MACROD2: variants seen among roughly 807,000 people sequenced by gnomAD.
MACROD2 encodes ADP-ribose glycohydrolase MACROD2.
Under a neutral mutation model 70.4 loss-of-function variants are expected in MACROD2, and 36 were observed. That is an observed-to-expected ratio of 0.51 (90% confidence interval 0.39 to 0.68). MACROD2 has a LOEUF of 0.68. Ranked by LOEUF, MACROD2 falls within the 30% of genes least tolerant of loss-of-function variation. MACROD2 has a pLI of 0.00. For synonymous variants in MACROD2, 172 were observed against 178.8 expected, an observed-to-expected ratio of 0.96 and a Z score of 0.30; for missense variants, 496 against 538.4, an observed-to-expected ratio of 0.92 and a Z score of 0.78.
chr20:15,438,073 G>A (rs984006351), intron 7 of MACROD2, among the ~76,000 whole-genome samples: 1 of 151,844 alleles, frequency 6.6e-6, no homozygotes, highest in African/African-American at 2.4e-5. Context: ...GAGGATTGCT[G>A]GAACCCGGGA....
chr20:14,705,921 TCTC>T (rs1769061726), intron 5 of MACROD2, among the ~76,000 whole-genome samples: 2 of 152,018 alleles, frequency 1.3e-5, no homozygotes, highest in African/African-American at 4.8e-5. Context: ...TCTTCCTCTC[TCTC>T]TTTTTCTTCT....
At chr20:14,966,154 A>T (rs191862309) in intron 5 of MACROD2, among the ~76,000 whole-genome samples, 3 of 152,306 alleles carry the variant, frequency 2.0e-5, no homozygotes, top group Admixed American at 2.0e-4. Flanking sequence ...CAATAAAGCC[A>T]CTGTCAATGG....
chr20:15,322,474 A>G (rs1233822605), intron 6 of MACROD2, among the ~76,000 whole-genome samples: 1 of 144,052 alleles, frequency 6.9e-6, no homozygotes, highest in African/African-American at 2.5e-5. Context: ...TCAGAACCAG[A>G]CAAACTTTAA....
chr20:15,583,851 A>G (rs1243770096), intron 8 of MACROD2, among the ~76,000 whole-genome samples: 9 of 152,136 alleles, frequency 5.9e-5, no homozygotes, highest in Admixed American at 5.2e-4. Flanking sequence ...CATGTTGGCC[A>G]GGCTGGTCTC....
intron 6 of MACROD2, among the ~76,000 whole-genome samples, chr20:15,377,092 G>A (rs1600316991): frequency 2.0e-5 from 3 of 152,028 alleles, no homozygotes; most frequent in Admixed American, 6.6e-5. Context: ...GGGTTTCACC[G>A]TGTTAGCCAG....
At chr20:15,545,434 A>G (rs2048013485) in intron 8 of MACROD2, among the ~76,000 whole-genome samples, 1 of 152,202 alleles carries the variant, frequency 6.6e-6, no homozygotes. Context: ...TCTGTCACTC[A>G]AAATAAGCCA....
intron 8 of MACROD2, among the ~76,000 whole-genome samples, chr20:15,654,173 C>G (rs527298188): frequency 6.6e-6 from 1 of 152,224 alleles, no homozygotes; most frequent in African/African-American, 2.4e-5. Flanking sequence ...AAGCACATAC[C>G]ATGCAGAAGT....
intron 5 of MACROD2, among the ~76,000 whole-genome samples, chr20:14,902,584 G>A (rs1159688524): frequency 6.6e-6 from 1 of 152,140 alleles, no homozygotes; most frequent in Non-Finnish European, 1.5e-5. Flanking sequence ...AGTCTAGGGG[G>A]AAGTGAGAGC....
chr20:14,459,815 T>C (rs2084346946), intron 3 of MACROD2, among the ~76,000 whole-genome samples: 1 of 152,114 alleles, frequency 6.6e-6, no homozygotes, highest in Non-Finnish European at 1.5e-5. Context: ...CATGGTGGTC[T>C]GCTGCACCCA....
intron 8 of MACROD2, among the ~76,000 whole-genome samples, chr20:15,573,635 T>C (rs1418130710): frequency 1.3e-5 from 2 of 152,126 alleles, no homozygotes; most frequent in Non-Finnish European, 2.9e-5. Flanking sequence ...AAATCTGAAA[T>C]GTGTTAAAGT....
intron 5 of MACROD2, among the ~76,000 whole-genome samples, chr20:15,041,440 T>C (rs368820160): frequency 2.5e-4 from 38 of 151,378 alleles, no homozygotes; most frequent in African/African-American, 9.2e-4. Flanking sequence ...AATTAATTTC[T>C]CTCTCTCTCT....
intron 3 of MACROD2, among the ~76,000 whole-genome samples, chr20:14,279,284 C>A (rs1380947639): frequency 6.6e-6 from 1 of 152,076 alleles, no homozygotes; most frequent in Non-Finnish European, 1.5e-5. Context: ...CAAAAACAAA[C>A]AAACAAAAAC....
At chr20:14,255,454 A>G (rs1055720865) in intron 3 of MACROD2, among the ~76,000 whole-genome samples, 24 of 147,866 alleles carry the variant, frequency 1.6e-4, no homozygotes, top group Admixed American at 6.8e-4. Context: ...CAAACACCGC[A>G]TGTTCTCACT....
chr20:15,438,886 T>C (rs1231104140), intron 7 of MACROD2, among the ~76,000 whole-genome samples: 1 of 152,186 alleles, frequency 6.6e-6, no homozygotes. Context: ...GAATTCTTGA[T>C]TGGCAAAATA....
intron 2 of MACROD2, among the ~76,000 whole-genome samples, chr20:14,075,864 AG>A (rs1478435428): frequency 1.3e-5 from 2 of 152,230 alleles, no homozygotes; most frequent in African/African-American, 4.8e-5. Flanking sequence ...TATTTTATCC[AG>A]TCAGATGGGC....
chr20:14,041,800 T>A (rs1047179052), intron 2 of MACROD2, among the ~76,000 whole-genome samples: 5 of 151,992 alleles, frequency 3.3e-5, no homozygotes, highest in African/African-American at 1.2e-4. Flanking sequence ...AATTGATGAG[T>A]CTTGAAGAAA....
chr20:15,119,302 C>T (rs886523120), intron 5 of MACROD2, among the ~76,000 whole-genome samples: 3 of 152,146 alleles, frequency 2.0e-5, no homozygotes, highest in African/African-American at 4.8e-5. Flanking sequence ...TTTTTGTCAG[C>T]TTCTTCTGCT....
At chr20:15,729,380 T>A (rs1221102798) in intron 8 of MACROD2, among the ~76,000 whole-genome samples, 1 of 152,046 alleles carries the variant, frequency 6.6e-6, no homozygotes, top group East Asian at 1.9e-4. Context: ...GGGTGGAGAG[T>A]TCTGTAGATG....
chr20:14,633,793 T>C (rs1019275434), intron 4 of MACROD2, among the ~76,000 whole-genome samples: 4 of 152,180 alleles, frequency 2.6e-5, no homozygotes, highest in African/African-American at 9.7e-5. Context: ...TGAAACCACC[T>C]CAGGCCTTTT....
Sources: gnomAD v4.1 joint callset for allele counts (sites outside exome capture counted in the v4.1 genomes callset) on GRCh38, gnomAD v4.1.1 for gene constraint, MANE v1.5 for transcripts, NCBI Gene and HGNC (gene_info 2026-07-23, HGNC 2026-07-21) for gene names.